Variants in QRFPR observed in about 807,000 individuals in gnomAD.
QRFPR encodes the protein pyroglutamylated RFamide peptide receptor, also known as pyroglutamylated RF-amide peptide receptor.
Under a neutral mutation model 31.3 loss-of-function variants are expected in QRFPR, and 37 were observed. The observed-to-expected ratio is 1.18, with a 90% confidence interval of 0.91 to 1.56. The LOEUF (loss-of-function observed/expected upper bound fraction) is 1.56. Ranked by LOEUF, QRFPR falls within the 40% of genes most tolerant of loss-of-function variation. The pLI, the probability that QRFPR is intolerant of heterozygous loss-of-function variation, is 0.00. For missense variants in QRFPR, 542 were observed against 532.5 expected (o/e 1.02, Z -0.18); for synonymous variants, 197 against 192.0 (o/e 1.03, Z -0.22).
intron 1 of QRFPR, among the ~76,000 whole-genome samples, chr4:121,357,906 C>T (rs1443742584): frequency 6.6e-6 from 1 of 152,128 alleles, no homozygotes; most frequent in African/African-American, 2.4e-5. Context: ...ATTTTATATT[C>T]TATCTTCTCT....
At position 121,380,369 on chromosome 4, in the gene QRFPR, GAGC is replaced by G; in HGVS notation, c.276_278del (p.Leu93del). 6.2e-7 allele frequency: 1 copy of G among 1,614,220 alleles called. No individual in the cohort carries two copies. The highest frequency in any genetic ancestry group is 8.5e-7 in the Non-Finnish European group (1 of 1,180,050). The stretch of plus-strand genomic sequence containing the variant: ...TGACGGGAATGCAGAAGAAGGTGAT[GAGC>G]AGGTCACTGAGCGCCAAGGAGCAGA... On this transcript the variant is annotated inframe_deletion, in exon 1 of 6. Coordinates refer to ENST00000394427, the MANE Select transcript of QRFPR (RefSeq NM_198179.3).
chr4:121,375,101 G>C (rs1726325774), intron 1 of QRFPR, among the ~76,000 whole-genome samples: 1 of 152,170 alleles, frequency 6.6e-6, no homozygotes, highest in Admixed American at 6.5e-5. Context: ...TTAATGCTTA[G>C]AGTCATAAAG....
At chr4:121,369,941 T>C (rs976185770) in intron 1 of QRFPR, 29 of 766,846 alleles carry the variant, frequency 3.8e-5, no homozygotes, top group African/African-American at 3.7e-4. Context: ...GGTGACACCC[T>C]TGTGGGTGTG....
intron 1 of QRFPR, among the ~76,000 whole-genome samples, chr4:121,357,359 G>A (rs1725890369): frequency 6.6e-6 from 1 of 152,048 alleles, no homozygotes; most frequent in African/African-American, 2.4e-5. Context: ...GAACGTAGGG[G>A]GTGGAAAGGA....
At chr4:121,331,932 C>T (rs576973689) in intron 4 of QRFPR, among the ~76,000 whole-genome samples, 3 of 152,242 alleles carry the variant, frequency 2.0e-5, no homozygotes, top group South Asian at 2.1e-4. Flanking sequence ...TGATTACAGG[C>T]GTGAGCCGCT....
intron 1 of QRFPR, 102 bp from the exon 2 acceptor site, chr4:121,340,712 C>A (rs1725527399): frequency 2.6e-6 from 3 of 1,145,578 alleles, no homozygotes; most frequent in Non-Finnish European, 3.6e-6. Flanking sequence ...TGAGCCTCTG[C>A]CAAAAAGTTT....
At position 121,380,586 on chromosome 4, in the gene QRFPR, G is replaced by A. The variant is rs775342074; in HGVS notation, c.62C>T (p.Thr21Met). The A allele has an allele frequency of 1.9e-6, 3 of 1,606,550 alleles. No homozygotes were observed. The South Asian group carries it at 3.3e-5, about 18-fold the overall frequency. The change falls in exon 1 of 6, where the codon ACG becomes ATG. Residue 21 changes from threonine to methionine, a missense_variant. Physicochemically the swap from Thr to Met is moderately conservative, Grantham distance 81. Coordinates refer to ENST00000394427, the MANE Select transcript of QRFPR (RefSeq NM_198179.3). ...GTACAGAGCGATGAACTGCTCCCGC[G>A]TCAGGTTGTGGTCCCGCAGCAGCCG... Reference protein sequence around the residue: ...FSRLLRDHNLTREQFIALYRL... With the variant: ...FSRLLRDHNLMREQFIALYRL...
chr4:121,354,733 C>T (rs953741970), intron 1 of QRFPR, among the ~76,000 whole-genome samples: 17 of 151,866 alleles, frequency 1.1e-4, no homozygotes, highest in South Asian at 2.1e-4. Flanking sequence ...CTTCTATACC[C>T]AATTGTTTGA....
intron 3 of QRFPR, among the ~76,000 whole-genome samples, chr4:121,333,876 T>C (rs992790066): frequency 6.6e-6 from 1 of 152,224 alleles, no homozygotes; most frequent in African/African-American, 2.4e-5. Flanking sequence ...TGGAGCTGAA[T>C]ACTTGGGTCT....
chr4:121,356,276 A>T (rs1434981610), intron 1 of QRFPR, among the ~76,000 whole-genome samples: 1 of 152,040 alleles, frequency 6.6e-6, no homozygotes, highest in African/African-American at 2.4e-5. Flanking sequence ...AATTATTTCA[A>T]TCTCTTTGTT....
At chr4:121,340,349 A>G (rs1488312651) in intron 2 of QRFPR, 103 bp downstream of exon 2, 5 of 1,252,706 alleles carry the variant, frequency 4.0e-6, no homozygotes, top group Admixed American at 1.9e-5. Flanking sequence ...TCCAATGCCT[A>G]CAAGTTAGAT....
At chr4:121,341,098 A>G (rs1725536315) in intron 1 of QRFPR, among the ~76,000 whole-genome samples, 1 of 152,222 alleles carries the variant, frequency 6.6e-6, no homozygotes, top group Non-Finnish European at 1.5e-5. Flanking sequence ...GTATTACACC[A>G]TTACACACCA....
In QRFPR at chr4:121,380,685, A is replaced by G. The variant is rs1233510574; in HGVS notation, c.-38T>C. The G allele has an allele frequency of 6.1e-6, 9 of 1,464,526 alleles. No homozygotes were observed. The highest frequency in any genetic ancestry group is 8.2e-6 in the Non-Finnish European group (9 of 1,102,108). 90.7% of individuals were successfully genotyped at this position (1,464,526 alleles called of 1,614,324 possible). On this transcript the variant is annotated 5_prime_UTR_variant, in exon 1 of 6. It removes the in-frame stop codon of an upstream open reading frame in the 5' UTR. Coordinates refer to ENST00000394427, the MANE Select transcript of QRFPR (RefSeq NM_198179.3). The stretch of plus-strand genomic sequence containing the variant: ...CCGGGACGCGGGGCCACCGCCCGCT[A>G]CTGGCTGGCCATCCGCATCTGCGGG...
At chr4:121,338,604 C>T (rs917057809) in intron 2 of QRFPR, among the ~76,000 whole-genome samples, 12 of 152,142 alleles carry the variant, frequency 7.9e-5, no homozygotes, top group East Asian at 1.9e-4. Flanking sequence ...CCCAGGGAAG[C>T]GAAAAGATTT....
At chr4:121,353,370 C>A (rs1434990526) in intron 1 of QRFPR, among the ~76,000 whole-genome samples, 1 of 152,038 alleles carries the variant, frequency 6.6e-6, no homozygotes, top group Non-Finnish European at 1.5e-5. Context: ...CCCATCCTGG[C>A]CAGCATTTAT....
intron 1 of QRFPR, chr4:121,369,949 G>T: frequency 2.6e-6 from 2 of 765,000 alleles, no homozygotes; most frequent in South Asian, 2.8e-5. Context: ...CCTTGTGGGT[G>T]TGTAGCCAGG....
chr4:121,368,355 C>G (rs1350395632), intron 1 of QRFPR, among the ~76,000 whole-genome samples: 4 of 149,650 alleles, frequency 2.7e-5, no homozygotes, highest in Non-Finnish European at 5.9e-5. Flanking sequence ...GTCCATTTAC[C>G]TATACCAAGT....
chr4:121,340,186 T>A (rs1392159353), intron 2 of QRFPR: 2 of 376,600 alleles, frequency 5.3e-6, no homozygotes, highest in Non-Finnish European at 9.8e-6. Context: ...GTAGGTTATC[T>A]TAGATTAGCT....
At chr4:121,358,113 A>G (rs1417062936) in intron 1 of QRFPR, among the ~76,000 whole-genome samples, 3 of 152,218 alleles carry the variant, frequency 2.0e-5, no homozygotes, top group East Asian at 3.8e-4. Flanking sequence ...TAGTCAAAAT[A>G]CTTTTTAAAA....
Sources: gnomAD v4.1 joint callset for allele counts (sites outside exome capture counted in the v4.1 genomes callset) on GRCh38, gnomAD v4.1.1 for gene constraint, MANE v1.5 for transcripts, NCBI Gene and HGNC (gene_info 2026-07-23, HGNC 2026-07-21) for gene names.